MAP3K11: variants seen among roughly 807,000 people sequenced by gnomAD.
MAP3K11 encodes SH3 domain-containing proline-rich kinase.
A neutral mutation model predicts 84.9 loss-of-function variants in MAP3K11; 46 were observed. The observed-to-expected ratio is 0.54, with a 90% CI of 0.43 to 0.69. MAP3K11 has a LOEUF of 0.69. MAP3K11 is among the 30% of genes least tolerant of loss of function. The probability of loss-of-function intolerance (pLI) is 0.00; values close to 1 mark genes in which losing one functional copy is unlikely to be tolerated. For missense variants in MAP3K11, 1,053 were observed against 1,198.3 expected (o/e 0.88, Z 1.79); for synonymous variants, 527 against 514.7 (o/e 1.02, Z -0.32).
intron 1 of MAP3K11, chr11:65,612,766 A>G (rs1854587006): frequency 2.6e-6 from 1 of 391,744 alleles, no homozygotes; most frequent in East Asian, 3.8e-5. Context: ...AGAGATACCA[A>G]TTTCTTAACT....
At chr11:65,598,665 C>T in intron 9 of MAP3K11, 37 bp from the exon 10 acceptor site, 2 of 1,417,500 alleles carry the variant, frequency 1.4e-6, no homozygotes, top group Non-Finnish European at 1.9e-6. Context: ...GTCAAGCAAC[C>T]CCCAACTGCT....
intron 8 of MAP3K11, 72 bp downstream of exon 8, chr11:65,605,689 C>T (rs1381200598): frequency 9.0e-7 from 1 of 1,112,390 alleles, no homozygotes; most frequent in Non-Finnish European, 1.3e-6. Flanking sequence ...GCCTACTAGC[C>T]TATTGTGGCC....
At chr11:65,609,612 A>G (rs570838078) in intron 1 of MAP3K11, 1 of 152,394 alleles carries the variant, frequency 6.6e-6, no homozygotes, top group Admixed American at 6.5e-5. Context: ...AAGGGTCTGA[A>G]GGGCCCCTCT....
chr11:65,600,384 C>G (rs992803861), intron 8 of MAP3K11, among the ~76,000 whole-genome samples: 2 of 152,208 alleles, frequency 1.3e-5, no homozygotes, highest in African/African-American at 4.8e-5. Flanking sequence ...CAGGCCTGAG[C>G]TGAATGGCAT....
At chr11:65,600,303 G>C (rs1017779123) in intron 8 of MAP3K11, among the ~76,000 whole-genome samples, 1 of 152,216 alleles carries the variant, frequency 6.6e-6, no homozygotes, top group Admixed American at 6.5e-5. Flanking sequence ...CTAGAAAGGA[G>C]GAAAATGAGG....
At position 65,598,370 on chromosome 11, in the gene MAP3K11, T is replaced by C. The variant is rs1488862929; in HGVS notation, c.2465A>G (p.Gln822Arg). Residue 822 changes from glutamine (Q) to arginine (R), a missense_variant, in exon 10 of 10, where the codon CAG (glutamine) becomes CGG (arginine). By Grantham distance (43) the Gln-to-Arg change is conservative (BLOSUM62 1). Transcript: ENST00000309100. ...FWDSPPANPFQGGPQDCRAQT... is the reference protein window; with the variant it reads ...FWDSPPANPFRGGPQDCRAQT... ...TGCCCTGCAGTCCTGGGGGCCCCCC[T>C]GGAAGGGGTTGGCAGGTGGGGAGTC... 5.8e-6 allele frequency: 9 copies of C among 1,546,708 alleles called. No individual in the cohort carries two copies. The highest frequency in any genetic ancestry group is 7.9e-6 in the Non-Finnish European group (9 of 1,143,944).
rs766392971 is a variant in MAP3K11 at position 65,599,620 on chromosome 11, G to A, written c.1980C>T (p.Asp660=). ...ALLASLGLGR[D]LQPPGGPGRE... ...GTCCTGGGCCTCCCGGCGGCTGCAG[G>A]TCGCGGCCAAGGCCCAGCGAGGCGA... Residue 660 remains aspartate (D), a synonymous_variant, in exon 9 of 10, where the codon GAC becomes GAT. Coordinates refer to ENST00000309100, the MANE Select transcript of MAP3K11 (RefSeq NM_002419.4). 2.6e-6 allele frequency: 4 copies of A among 1,541,578 alleles called. No homozygotes were observed. Among genetic ancestry groups the A allele is most frequent in the South Asian group, 1.2e-5 (1 of 84,608 alleles).
At chr11:65,608,099 C>T (rs764222517) in intron 2 of MAP3K11, 29 bp from the exon 3 acceptor site, 2 of 1,607,706 alleles carry the variant, frequency 1.2e-6, no homozygotes, top group South Asian at 1.1e-5. Flanking sequence ...GTCTGTGTTC[C>T]CTTTTCTCTC....
Position 65,599,788 on chromosome 11 carries a change from AGGTGAGGGTGTGGCTGGTGCATATTCCG to A in MAP3K11, c.1832-48_1832-21del, listed in dbSNP as rs1294680030. The A allele has an allele frequency of 6.3e-7, 1 of 1,590,492 alleles. No individual in the cohort carries two copies. The highest frequency in any genetic ancestry group is 8.5e-7 in the Non-Finnish European group (1 of 1,176,714). On this transcript the variant is annotated intron_variant, in intron 8 of 9. Coordinates refer to ENST00000309100, the MANE Select transcript of MAP3K11 (RefSeq NM_002419.4). ...GGTTACCTGCGGGCAGAGGCGGCAC[AGGTGAGGGTGTGGCTGGTGCATATTCCG>A]GGTGAGGGCCCAAGACCTCTCCGTG... is the stretch of plus-strand genomic sequence containing the variant.
At chr11:65,606,332 G>A (rs1854507367) in intron 6 of MAP3K11, 3 of 452,114 alleles carry the variant, frequency 6.6e-6, no homozygotes, top group Non-Finnish European at 1.2e-5. Flanking sequence ...GCCTGAGTTT[G>A]ATTCTGGCTC....
chr11:65,607,746 C>T lies in MAP3K11; in HGVS notation c.1140G>A (p.Glu380=). The T allele has an allele frequency of 1.2e-6, 2 of 1,613,794 alleles. No individual in the cohort carries two copies. Among genetic ancestry groups the T allele is most frequent in the Non-Finnish European group, 1.7e-6 (2 of 1,179,900 alleles). The stretch of plus-strand genomic sequence containing the variant: ...GCGGCATTTCCCGTAGGACCTGTGC[C>T]TCCAGCGCCTCCAACTGCTGCAGGA... ...ASILQQLEAL[E]AQVLREMPRD... The change falls in exon 4 of 10, where the codon GAG becomes GAA. Residue 380 remains glutamate (E), a synonymous_variant. Transcript: ENST00000309100.
At chr11:65,602,744 G>A (rs982585341) in intron 8 of MAP3K11, among the ~76,000 whole-genome samples, 1 of 151,974 alleles carries the variant, frequency 6.6e-6, no homozygotes, top group Admixed American at 6.6e-5. Context: ...GGTGGAGGCT[G>A]AAGTGAGCTG....
chr11:65,612,852 GCT>G (rs974098707), intron 1 of MAP3K11, 164 bp downstream of exon 1: 4 of 649,812 alleles, frequency 6.2e-6, no homozygotes, highest in African/African-American at 5.6e-5. Context: ...GGTGCCTGGG[GCT>G]CTGTTTGGGG....
At chr11:65,607,860 G>A in intron 3 of MAP3K11, 44 bp from the exon 4 acceptor site, 4 of 1,606,216 alleles carry the variant, frequency 2.5e-6, no homozygotes, top group Non-Finnish European at 2.6e-6. Context: ...GAAGGGGTCC[G>A]TGGGTGGATG....
intron 6 of MAP3K11, 24 bp from the exon 7 acceptor site, chr11:65,606,105 G>T: frequency 6.4e-7 from 1 of 1,554,170 alleles, no homozygotes; most frequent in Non-Finnish European, 8.6e-7. Context: ...CGATGAAATC[G>T]GAGATAATCT....
rs912149682 is a variant in MAP3K11 at position 65,606,881 on chromosome 11, A to G, written c.1490-77T>C. On this transcript the variant is annotated intron_variant, in intron 5 of 9. Coordinates refer to ENST00000309100, the MANE Select transcript of MAP3K11 (RefSeq NM_002419.4). ...CAGGACCCCAACCTGCAGGGGCCCA[A>G]GGCCAGCTCCCAGGCCACATAGGGA... The G allele has an allele frequency of 4.3e-6, 4 of 924,336 alleles. No homozygotes were observed. In the African/African-American group the frequency reaches 6.8e-5, roughly 16 times the overall value. 57.3% of individuals were successfully genotyped at this position (924,336 alleles called of 1,614,324 possible).
rs1854405233 is a variant in MAP3K11, at chr11:65,598,219, C to T, written c.*72G>A. 4.7e-6 allele frequency: 6 copies of T among 1,274,902 alleles called. No individual in the cohort carries two copies. The highest frequency in any genetic ancestry group is 2.2e-5 in the South Asian group (1 of 46,500). 79.0% of individuals were successfully genotyped at this position (1,274,902 alleles called of 1,614,324 possible). A position where few individuals can be genotyped will look rare whatever the true frequency, so the allele number is the denominator to read the frequency against. ...AACTGAGGCAGCTGCAGAGGCTGAC[C>T]CAGCTCCTGTTCCAGTGTATGCTGT... On this transcript the variant is annotated 3_prime_UTR_variant, in exon 10 of 10. Transcript: ENST00000309100.
Position 65,613,920 on chromosome 11 carries a change from G to T in MAP3K11, c.-164C>A. The T allele has an allele frequency of 2.4e-6, 2 of 837,104 alleles. No homozygotes were observed. The highest frequency in any genetic ancestry group is 3.6e-6 in the Non-Finnish European group (2 of 562,920). 51.9% of individuals were successfully genotyped at this position (837,104 alleles called of 1,614,324 possible). ...GGGGAGCCAGGAGTGTTGTCTCCCG[G>T]CCCCCCGCATCTCGGGCTTCTGGAG... On this transcript the variant is annotated 5_prime_UTR_variant, in exon 1 of 10. Transcript: ENST00000309100.
At position 65,598,592 on chromosome 11, in the gene MAP3K11, G is replaced by A. The variant is rs372545474; in HGVS notation, c.2243C>T (p.Ser748Phe). ...TGGGGTGCCTGGGGTGCCAGGAGCA[G>A]AGCGTGATGTCCCCGGTGGGGGTGA... ...TVSPPPGTSR[S>F]APGTPGTPRS... is the part of the protein sequence containing the mutation. Residue 748 changes from serine to phenylalanine, a missense_variant, in exon 10 of 10, where the codon TCT becomes TTT. This residue lies in a region of MAP3K11 where 583 missense variants were observed against 566.6 expected (regional missense o/e 1.03). Coordinates refer to ENST00000309100, the MANE Select transcript of MAP3K11 (RefSeq NM_002419.4). The A allele has an allele frequency of 6.3e-6, 10 of 1,579,042 alleles. No homozygotes were observed. Among genetic ancestry groups the A allele is most frequent in the Non-Finnish European group, 7.7e-6 (9 of 1,161,390 alleles).
Sources: gnomAD v4.1 joint callset for allele counts (sites outside exome capture counted in the v4.1 genomes callset) on GRCh38, gnomAD v4.1.1 for gene constraint, gnomAD v4.1.1 regional missense constraint, MANE v1.5 for transcripts, NCBI Gene and HGNC (gene_info 2026-07-23, HGNC 2026-07-21) for gene names.